PEX5: variants seen among roughly 807,000 people sequenced by gnomAD.
PEX5 encodes the protein peroxisomal biogenesis factor 5, also known as PTS1 receptor.
A neutral mutation model predicts 82.9 loss-of-function variants in PEX5; 52 were observed. The observed-to-expected ratio is 0.63, with a 90% CI of 0.50 to 0.79. The LOEUF is 0.79. Among genes scored for constraint, PEX5 ranks in the 30% least tolerant of loss-of-function variants. The pLI is 0.00. For synonymous variants in PEX5, 300 were observed against 318.8 expected, an observed-to-expected ratio of 0.94 and a Z score of 0.63; for missense variants, 719 against 815.2, an observed-to-expected ratio of 0.88 and a Z score of 1.44.
rs755798404 is a variant in PEX5, at chr12:7,202,574, T to TTGGTGG, written c.754-36_754-31dup. 937 of 1,559,878 alleles carry TTGGTGG rather than the reference T, an allele frequency of 6.0e-4. 1 individual carries two copies. Among genetic ancestry groups the TTGGTGG allele is most frequent in the Middle Eastern group, 4.4e-3 (26 of 5,966 alleles). ...TAGTGTGCGTCTGATGGATAGAAAGTTGGTGGTAGTGGTACTGACCATCCT... is the reference window on the plus strand; with the variant it reads ...TAGTGTGCGTCTGATGGATAGAAAGTTGGTGGTGGTGGTAGTGGTACTGACCATCCT... On this transcript the variant is annotated intron_variant, in intron 8 of 15. Transcript: ENST00000675855.
At chr12:7,216,257 C>T (rs959008979), downstream of PEX5, among the ~76,000 whole-genome samples, 1 of 152,194 alleles carries the variant, frequency 6.6e-6, no homozygotes, top group African/African-American at 2.4e-5. Context: ...CGTGAGCCAC[C>T]GTGCCCGGCC....
Position 7,190,370 on chromosome 12 carries a change from C to A in PEX5, c.-8C>A. On this transcript the variant is annotated 5_prime_UTR_variant, in exon 2 of 16. Coordinates refer to ENST00000675855, the MANE Select transcript of PEX5 (RefSeq NM_001351132.2). The stretch of plus-strand genomic sequence containing the variant: ...CCTCCTGTGTCCATCAGAGAGCTGG[C>A]GGTCACCATGGCAATGCGGGAGCTG... 1.9e-6 allele frequency: 3 copies of A among 1,614,070 alleles called. No individual in the cohort carries two copies. The highest frequency in any genetic ancestry group is 2.5e-6 in the Non-Finnish European group (3 of 1,179,960).
intron 5 of PEX5, among the ~76,000 whole-genome samples, chr12:7,198,651 T>C (rs2136068100): frequency 6.6e-6 from 1 of 152,282 alleles, no homozygotes. Flanking sequence ...CCTTACTGGC[T>C]CCCTGCTGTA....
At chr12:7,202,030 TACTA>T (rs1944130027) in intron 7 of PEX5, 189 bp downstream of exon 7, 5 of 785,374 alleles carry the variant, frequency 6.4e-6, no homozygotes, top group South Asian at 3.1e-5. Flanking sequence ...TCTCCTTGCC[TACTA>T]ACTCTTTTTT....
intron 17 of PEX5, among the ~76,000 whole-genome samples, chr12:7,217,854 C>T (rs1216536529): frequency 6.6e-6 from 1 of 152,178 alleles, no homozygotes; most frequent in Admixed American, 6.5e-5. Context: ...TACATTCCTC[C>T]CCTCCCTGAG....
At chr12:7,207,495 C>T (rs1375148182) in intron 10 of PEX5, among the ~76,000 whole-genome samples, 164 bp from the exon 11 acceptor site, 2 of 152,168 alleles carry the variant, frequency 1.3e-5, no homozygotes, top group Non-Finnish European at 2.9e-5. Flanking sequence ...AATGATTTTA[C>T]TTGTGTCATA....
intron 5 of PEX5, among the ~76,000 whole-genome samples, chr12:7,196,405 TCATATATAATGTAATAATTATATGTGC>T (rs1942254868): frequency 7.4e-6 from 1 of 134,832 alleles, no homozygotes; most frequent in South Asian, 2.6e-4. Context: ...CATATATGTG[TCATATATAATGTAATAATTATATGTGC>T]CATATATAAT....
In PEX5 at chr12:7,207,946, G is replaced by A; in HGVS notation, c.1111-64G>A. 3.2e-6 allele frequency: 5 copies of A among 1,539,620 alleles called. No homozygotes were observed. In the South Asian group the frequency reaches 4.5e-5, roughly 14 times the overall value. The stretch of plus-strand genomic sequence containing the variant: ...GAGAGCGAGATGGTGAGTGGGAGAA[G>A]CCAGGGGGAAGGGCGAATGGAGAGG... On this transcript the variant is annotated intron_variant, in intron 11 of 15. Transcript: ENST00000675855.
rs1480727622 is a variant in PEX5, at chr12:7,191,288, CA to C, written c.248del (p.Lys83ArgfsTer49). The C allele has an allele frequency of 6.2e-7, 1 of 1,614,168 alleles. No homozygotes were observed. The highest frequency in any genetic ancestry group is 1.7e-5 in the Admixed American group (1 of 60,032). On this transcript the variant is annotated frameshift_variant, in exon 4 of 16. Transcript: ENST00000675855. LOFTEE classifies it high-confidence loss of function. ...PLVSRAPQTF[K>X]MDDLLAEMQQ... ...TTGTGTCCCGTGCCCCTCAGACCTTCAAGATGGATGACCTCCTGGCTGAGAT... is the reference window on the plus strand; with the variant it reads ...TTGTGTCCCGTGCCCCTCAGACCTTCAGATGGATGACCTCCTGGCTGAGAT...
intron 5 of PEX5, among the ~76,000 whole-genome samples, chr12:7,192,491 C>G (rs1941336096): frequency 6.6e-6 from 1 of 152,200 alleles, no homozygotes; most frequent in Admixed American, 6.5e-5. Context: ...GCTCCTGCAT[C>G]TTTTATGATT....
At chr12:7,192,468 G>A (rs1250459370) in intron 5 of PEX5, among the ~76,000 whole-genome samples, 1 of 152,112 alleles carries the variant, frequency 6.6e-6, no homozygotes, top group Non-Finnish European at 1.5e-5. Context: ...TTTCCTCTTT[G>A]AAAGCATCCA....
In PEX5 at chr12:7,199,082, G is replaced by T; in HGVS notation, c.520G>T (p.Gly174Ter). 1 of 1,607,898 alleles carries T rather than the reference G, an allele frequency of 6.2e-7. No homozygotes were observed. The change falls in exon 6 of 16, where the codon GGA (glycine) becomes TGA (stop). Residue 174 changes from glycine to a stop codon, truncating the protein, a stop_gained. Transcript: ENST00000675855. LOFTEE classifies it high-confidence loss of function. The stretch of plus-strand genomic sequence containing the variant: ...GCAATCAGAGGAGAAGCTGTGGCTG[G>T]GAGAACCTGAGGGAACAGCCACCGA... The part of the protein sequence containing the change: ...LEQSEEKLWL[G>*]EPEGTATDRW...
rs115338343 is a variant in PEX5 at position 7,209,754 on chromosome 12, G to A, written c.1632G>A (p.Ala544=). The part of the protein sequence containing the change: ...NGNQSEEAVA[A]YRRALELQPG... ...ACCAGAGTGAAGAAGCAGTAGCTGC[G>A]TACCGCCGGGCCCTCGAGCTCCAGC... The change falls in exon 15 of 16, where the codon GCG becomes GCA. Residue 544 remains alanine, a synonymous_variant. Transcript: ENST00000675855. 1.4e-3 allele frequency: 2,270 copies of A among 1,571,076 alleles called. 16 individuals carry two copies. The African/African-American group carries it at 0.025, about 17-fold the overall frequency.
intron 1 of PEX5, 27 bp from the exon 2 acceptor site, chr12:7,190,335 C>T (rs960242650): frequency 1.2e-6 from 2 of 1,612,222 alleles, no homozygotes; most frequent in African/African-American, 2.7e-5. Context: ...TTGGGTACCT[C>T]AGTTCCAAAC....
intron 7 of PEX5, 175 bp downstream of exon 7, chr12:7,202,016 C>A: frequency 1.3e-6 from 1 of 762,068 alleles, no homozygotes; most frequent in Non-Finnish European, 2.2e-6. Context: ...TGTTCATTCC[C>A]TCATCTCCTT....
Position 7,202,258 on chromosome 12 carries a change from G to A in PEX5, c.660G>A (p.Arg220=), listed in dbSNP as rs541455903. 2 of 1,614,102 alleles carry A rather than the reference G, an allele frequency of 1.2e-6. No individual in the cohort carries two copies. Among genetic ancestry groups the A allele is most frequent in the Admixed American group, 3.3e-5 (2 of 60,004 alleles). ...TGCCCCAGTTCCTGAAATTCGTGCG[G>A]CAGATTGGCGAAGGGCAGGTGTCCC... ...LANSEFLKFV[R]QIGEGQVSLE... The change falls in exon 8 of 16, where the codon CGG becomes CGA. Residue 220 remains arginine (R), a synonymous_variant. Transcript: ENST00000675855.
chr12:7,200,843 C>T (rs1025967492), intron 6 of PEX5, among the ~76,000 whole-genome samples: 72 of 151,884 alleles, frequency 4.7e-4, no homozygotes, highest in African/African-American at 1.7e-3. Context: ...GGCAGCAGTA[C>T]AGTCCAGCTT....
At chr12:7,192,026 A>G (rs747531668) in intron 5 of PEX5, among the ~76,000 whole-genome samples, 1 of 152,238 alleles carries the variant, frequency 6.6e-6, no homozygotes, top group Non-Finnish European at 1.5e-5. Context: ...TATTCACTAC[A>G]GCACCTGGGA....
intron 5 of PEX5, among the ~76,000 whole-genome samples, chr12:7,197,515 A>T (rs1178028465): frequency 3.1e-5 from 3 of 95,720 alleles, no homozygotes; most frequent in Non-Finnish European, 6.9e-5. Flanking sequence ...ATAATGTAAT[A>T]ATTATATGTT....
Sources: gnomAD v4.1 joint callset for allele counts (sites outside exome capture counted in the v4.1 genomes callset) on GRCh38, gnomAD v4.1.1 for gene constraint, MANE v1.5 for transcripts, NCBI Gene and HGNC (gene_info 2026-07-23, HGNC 2026-07-21) for gene names.